CFL2: variants seen among roughly 807,000 people sequenced by gnomAD.
CFL2 encodes the protein cofilin-2.
CFL2 carries 10 observed loss-of-function variants against 19.6 expected under a neutral mutation model. That is an observed-to-expected ratio of 0.51 (90% CI 0.31 to 0.86). The LOEUF is 0.86. Ranked by LOEUF, CFL2 falls within the 40% of genes least tolerant of loss-of-function variation. The pLI is 0.04. For synonymous variants in CFL2, 63 were observed against 66.7 expected, an observed-to-expected ratio of 0.95 and a Z score of 0.27; for missense variants, 125 against 192.1, an observed-to-expected ratio of 0.65 and a Z score of 2.06.
chr14:34,714,163 G>T (rs1790612703), intron 1 of CFL2: 2 of 373,704 alleles, frequency 5.4e-6, no homozygotes, highest in South Asian at 8.4e-5. Flanking sequence ...AGGCCGTCCA[G>T]ACCCTGACCC....
rs1042931199 is a variant in CFL2 at position 34,711,386 on chromosome 14, C to G, written c.*1479G>C. ...ATAAATAGCCCTGGCTAACAGCAAA[C>G]CGCTCACACTGAGCAGATCAAATTC... is the stretch of plus-strand genomic sequence containing the variant. On this transcript the variant is annotated 3_prime_UTR_variant, in exon 4 of 4. Coordinates refer to ENST00000298159, the MANE Select transcript of CFL2 (RefSeq NM_138638.5). 13 of 454,368 alleles carry G rather than the reference C, an allele frequency of 2.9e-5. No individual in the cohort carries two copies. Among genetic ancestry groups the G allele is most frequent in the African/African-American group, 2.2e-4 (11 of 49,998 alleles). 28.1% of individuals were successfully genotyped at this position (454,368 alleles called of 1,614,324 possible).
chr14:34,713,843 T>C (rs1412824248), intron 1 of CFL2: 2 of 1,543,508 alleles, frequency 1.3e-6, no homozygotes, highest in Non-Finnish European at 8.7e-7. Context: ...TTTCACTGGG[T>C]GATGTCAGAG....
In CFL2 at chr14:34,711,860, G is replaced by A; in HGVS notation, c.*1005C>T. 2.2e-6 allele frequency: 1 copy of A among 454,212 alleles called. No homozygotes were observed. Among genetic ancestry groups the A allele is most frequent in the Non-Finnish European group, 4.4e-6 (1 of 226,708 alleles). The allele number at this position is 454,212 out of a possible 1,614,324, so 28.1% of individuals were successfully genotyped here. A position where few individuals can be genotyped will look rare whatever the true frequency, so the allele number is the denominator to read the frequency against. Reference sequence around the variant, plus strand: ...GATAGAATACTTTTTAAACCAAATAGATCCAACAAATCTGGAAAATATCAC... The same window carrying A: ...GATAGAATACTTTTTAAACCAAATAAATCCAACAAATCTGGAAAATATCAC... On this transcript the variant is annotated 3_prime_UTR_variant, in exon 4 of 4. Transcript: ENST00000298159.
In CFL2 at chr14:34,713,357, A is replaced by T; in HGVS notation, c.208T>A (p.Ser70Thr). 1 of 1,613,826 alleles carries T rather than the reference A, an allele frequency of 6.2e-7. No individual in the cohort carries two copies. ...IGDTVEDPYTSFVKLLPLNDC... is the reference protein window; with the variant it reads ...IGDTVEDPYTTFVKLLPLNDC... ...TTCAGAGGTAGCAACTTCACAAAAG[A>T]TGTGTAGGGGTCCTCTACAGTATCA... The change falls in exon 2 of 4, where the codon TCT becomes ACT. Residue 70 changes from serine (S) to threonine (T), a missense_variant. Ser to Thr is a moderately conservative substitution (Grantham distance 58). Coordinates refer to ENST00000298159, the MANE Select transcript of CFL2 (RefSeq NM_138638.5).
chr14:34,714,453 G>A (rs1885426021), intron 1 of CFL2, 85 bp downstream of exon 1: 2 of 1,501,630 alleles, frequency 1.3e-6, no homozygotes, highest in African/African-American at 1.5e-5. Context: ...CCAAAATCAG[G>A]TTAAAATGGC....
rs1219711945 is a variant in CFL2, at chr14:34,712,895, T to C, written c.471A>G (p.Val157=). The C allele has an allele frequency of 4.4e-6, 7 of 1,600,878 alleles. No individual in the cohort carries two copies. In the East Asian group the frequency reaches 6.7e-5, roughly 15 times the overall value. The part of the protein sequence containing the change: ...STLGEKLGGN[V]VVSLEGKPL ...ATGGTTTTCCTTCAAGTGAAACTAC[T>C]ACATTGCCTCCCAATTTCTCTCCAA... Residue 157 remains valine (V), a synonymous_variant, in exon 4 of 4, where the codon GTA becomes GTG. Transcript: ENST00000298159.
In CFL2 at chr14:34,712,757, A is replaced by G. The variant is rs756102382; in HGVS notation, c.*108T>C. The G allele has an allele frequency of 2.7e-6, 2 of 749,052 alleles. No homozygotes were observed. Among genetic ancestry groups the G allele is most frequent in the Middle Eastern group, 2.4e-4 (1 of 4,152 alleles). The allele number at this position is 749,052 out of a possible 1,614,324, so 46.4% of individuals were successfully genotyped here. A position where few individuals can be genotyped will look rare whatever the true frequency, so the allele number is the denominator to read the frequency against. On this transcript the variant is annotated 3_prime_UTR_variant, in exon 4 of 4. Coordinates refer to ENST00000298159, the MANE Select transcript of CFL2 (RefSeq NM_138638.5). ...TTCATTCATTGTGTTGGAAGGGCCC[A>G]GTGGAAAGGGGGAAATACAACAAAA...
chr14:34,712,454 G>T lies in CFL2; in HGVS notation c.*411C>A. ...ATGAATGCTCAAGCCTCACAGAACT[G>T]CAATCAAGTGCCAACTATAAATAAT... On this transcript the variant is annotated 3_prime_UTR_variant, in exon 4 of 4. Transcript: ENST00000298159. 1 of 456,164 alleles carries T rather than the reference G, an allele frequency of 2.2e-6. No homozygotes were observed. The highest frequency in any genetic ancestry group is 4.4e-6 in the Non-Finnish European group (1 of 227,974). The allele number at this position is 456,164 out of a possible 1,614,324, so 28.3% of individuals were successfully genotyped here.
chr14:34,713,306 C>T lies in CFL2; in HGVS notation c.259G>A (p.Ala87Thr). The change falls in exon 2 of 4, where the codon GCC becomes ACC. Residue 87 changes from alanine to threonine, a missense_variant. Physicochemically the swap from Ala to Thr is moderately conservative, Grantham distance 58 (BLOSUM62 0). Coordinates refer to ENST00000298159, the MANE Select transcript of CFL2 (RefSeq NM_138638.5). ...LNDCRYALYD[A>T]TYETKESKKE... ...TTAGACTCTTTTGTTTCGTATGTGG[C>T]ATCGTACAAAGCATATCGGCAATCA... 4 of 1,613,792 alleles carry T rather than the reference C, an allele frequency of 2.5e-6. No individual in the cohort carries two copies. Among genetic ancestry groups the T allele is most frequent in the Non-Finnish European group, 3.4e-6 (4 of 1,179,906 alleles).
chr14:34,713,370 C>T lies in CFL2; in HGVS notation c.195G>A (p.Glu65=). The T allele has an allele frequency of 2.5e-6, 4 of 1,613,990 alleles. No individual in the cohort carries two copies. Among genetic ancestry groups the T allele is most frequent in the Non-Finnish European group, 3.4e-6 (4 of 1,179,934 alleles). The change falls in exon 2 of 4, where the codon GAG becomes GAA. Residue 65 remains glutamate (E), a synonymous_variant. Coordinates refer to ENST00000298159, the MANE Select transcript of CFL2 (RefSeq NM_138638.5). ...ILVGDIGDTV[E]DPYTSFVKLL... Reference sequence around the variant, plus strand: ...ACTTCACAAAAGATGTGTAGGGGTCCTCTACAGTATCACCAATGTCACCCA... The same window carrying T: ...ACTTCACAAAAGATGTGTAGGGGTCTTCTACAGTATCACCAATGTCACCCA...
Position 34,709,624 on chromosome 14 carries a change from A to C in CFL2, c.*3241T>G, listed in dbSNP as rs1382226648. ...ACTCAGTCTCTACAAAAGAGATACAAAAAAAAAAAAAAAAAAAATTAGGCA... is the reference window on the plus strand; with the variant it reads ...ACTCAGTCTCTACAAAAGAGATACACAAAAAAAAAAAAAAAAAATTAGGCA... On this transcript the variant is annotated 3_prime_UTR_variant, in exon 4 of 4. Coordinates refer to ENST00000298159, the MANE Select transcript of CFL2 (RefSeq NM_138638.5). 1.0e-4 allele frequency: 3 copies of C among 28,766 alleles called. No homozygotes were observed. The highest frequency in any genetic ancestry group is 2.1e-3 in the South Asian group (2 of 962). 1.8% of individuals were successfully genotyped at this position (28,766 alleles called of 1,614,324 possible).
rs932039956 is a variant in CFL2, at chr14:34,713,394, C to G, written c.171G>C (p.Val57=). The change falls in exon 2 of 4, where the codon GTG becomes GTC. Residue 57 remains valine (V), a synonymous_variant. Transcript: ENST00000298159. ...IIVEEAKQIL[V]GDIGDTVEDP... is the part of the protein sequence containing the mutation. Reference sequence around the variant, plus strand: ...CCTCTACAGTATCACCAATGTCACCCACCAAGATCTGCTTTGCTTCCTCTA... The same window carrying G: ...CCTCTACAGTATCACCAATGTCACCGACCAAGATCTGCTTTGCTTCCTCTA... 1.9e-6 allele frequency: 3 copies of G among 1,614,002 alleles called. No individual in the cohort carries two copies. The African/African-American group carries it at 4.0e-5, about 22-fold the overall frequency.
Position 34,710,857 on chromosome 14 carries a change from AAAG to A in CFL2, c.*2005_*2007del, listed in dbSNP as rs1215366127. On this transcript the variant is annotated 3_prime_UTR_variant, in exon 4 of 4. Coordinates refer to ENST00000298159, the MANE Select transcript of CFL2 (RefSeq NM_138638.5). Reference sequence around the variant, plus strand: ...CTGATTTATAGTCCCTTATTTTTTAAAAGAATGAGGAAATAACTCAATGAAAAA... The same window carrying A: ...CTGATTTATAGTCCCTTATTTTTTAAAATGAGGAAATAACTCAATGAAAAA... 4 of 454,046 alleles carry A rather than the reference AAAG, an allele frequency of 8.8e-6. No homozygotes were observed. The Admixed American group carries it at 9.4e-5, about 11-fold the overall frequency. The allele number at this position is 454,046 out of a possible 1,614,324, so 28.1% of individuals were successfully genotyped here.
chr14:34,710,846 C>A lies in CFL2; in HGVS notation c.*2019G>T. 2.2e-6 allele frequency: 1 copy of A among 453,958 alleles called. No homozygotes were observed. Among genetic ancestry groups the A allele is most frequent in the South Asian group, 1.6e-5 (1 of 64,440 alleles). 28.1% of individuals were successfully genotyped at this position (453,958 alleles called of 1,614,324 possible). ...ATACTACATAACTGATTTATAGTCC[C>A]TTATTTTTTAAAAGAATGAGGAAAT... On this transcript the variant is annotated 3_prime_UTR_variant, in exon 4 of 4. Transcript: ENST00000298159.
At position 34,709,113 on chromosome 14, in the gene CFL2, T is replaced by A. The variant is rs1034410441; in HGVS notation, c.*3752A>T. ...AAAATAGAGGTTCAATGATCTGTAA[T>A]ACATCTTTTAACAAAAACATTTAAT... is the stretch of plus-strand genomic sequence containing the variant. On this transcript the variant is annotated 3_prime_UTR_variant, in exon 4 of 4. Transcript: ENST00000298159. 2 of 152,018 alleles carry A rather than the reference T, an allele frequency of 1.3e-5. No homozygotes were observed. Among genetic ancestry groups the A allele is most frequent in the Non-Finnish European group, 2.9e-5 (2 of 68,012 alleles). 9.4% of individuals were successfully genotyped at this position (152,018 alleles called of 1,614,324 possible).
At position 34,713,040 on chromosome 14, in the gene CFL2, C is replaced by T; in HGVS notation, c.388+20G>A. On this transcript the variant is annotated intron_variant, in intron 3 of 3. Coordinates refer to ENST00000298159, the MANE Select transcript of CFL2 (RefSeq NM_138638.5). The stretch of plus-strand genomic sequence containing the variant: ...ATTAATAAAGAATAATTTCTCTGCC[C>T]CAAATATTCAAGTTTGTACCTGTAA... 1 of 1,562,238 alleles carries T rather than the reference C, an allele frequency of 6.4e-7. No individual in the cohort carries two copies.
At position 34,709,163 on chromosome 14, in the gene CFL2, TAAGA is replaced by T. The variant is rs1469029287; in HGVS notation, c.*3698_*3701del. The T allele has an allele frequency of 3.3e-5, 5 of 152,110 alleles. No individual in the cohort carries two copies. The highest frequency in any genetic ancestry group is 6.6e-5 in the Admixed American group (1 of 15,248). 9.4% of individuals were successfully genotyped at this position (152,110 alleles called of 1,614,324 possible). ...TATTTATCTACTTACATACAGTAAT[TAAGA>T]ATGAATAGTTTAAACAGATTATTGC... On this transcript the variant is annotated 3_prime_UTR_variant, in exon 4 of 4. Transcript: ENST00000298159.
At chr14:34,714,415 C>A in intron 1 of CFL2, 123 bp downstream of exon 1, 1 of 1,405,786 alleles carries the variant, frequency 7.1e-7, no homozygotes, top group South Asian at 1.5e-5. Context: ...GCAGCGGAGC[C>A]GCAGAGCAGA....
intron 1 of CFL2, 95 bp downstream of exon 1, chr14:34,714,443 C>G: frequency 6.7e-7 from 1 of 1,481,864 alleles, no homozygotes; most frequent in Non-Finnish European, 9.0e-7. Flanking sequence ...ACCTTGGAGG[C>G]CAAAATCAGG....
Sources: gnomAD v4.1 joint callset for allele counts on GRCh38, gnomAD v4.1.1 for gene constraint, MANE v1.5 for transcripts, NCBI Gene and HGNC (gene_info 2026-07-23, HGNC 2026-07-21) for gene names.